ARHGAP39: variants seen among roughly 807,000 people sequenced by gnomAD.
ARHGAP39 encodes rho GTPase-activating protein 39.
Under a neutral mutation model 106.9 loss-of-function variants are expected in ARHGAP39, and 44 were observed. The ratio of observed to expected loss-of-function variants is 0.41; its 90% CI spans 0.32 to 0.53. ARHGAP39 has a LOEUF of 0.53. ARHGAP39 is among the 20% of genes least tolerant of loss of function. The pLI, the probability that ARHGAP39 is intolerant of heterozygous loss-of-function variation, is 0.21. For missense variants in ARHGAP39, 1,496 were observed against 1,577.3 expected (o/e 0.95, Z 0.87); for synonymous variants, 768 against 693.2 (o/e 1.11, Z -1.69).
chr8:144,566,032 C>T (rs112397899), intron 3 of ARHGAP39, among the ~76,000 whole-genome samples: 13,925 of 151,468 alleles, frequency 0.092, 1,508 homozygotes, highest in African/African-American at 0.26. Flanking sequence ...AGGTTGACGC[C>T]GCCATCATCT....
intron 7 of ARHGAP39, among the ~76,000 whole-genome samples, chr8:144,534,507 A>T (rs1178381924): frequency 6.6e-6 from 1 of 151,752 alleles, no homozygotes; most frequent in Non-Finnish European, 1.5e-5. Context: ...GGGCCTCTAG[A>T]CCCCACTGCT....
intron 1 of ARHGAP39, among the ~76,000 whole-genome samples, chr8:144,685,195 G>A (rs182849222): frequency 6.8e-6 from 1 of 147,864 alleles, no homozygotes; most frequent in Admixed American, 6.7e-5. Context: ...CCTGGGGCCG[G>A]ACACACCCAC....
At chr8:144,561,283 C>T (rs756074585) in intron 3 of ARHGAP39, among the ~76,000 whole-genome samples, 1 of 151,838 alleles carries the variant, frequency 6.6e-6, no homozygotes, top group Non-Finnish European at 1.5e-5. Flanking sequence ...TTCCATCACA[C>T]TCCAGTGGTT....
chr8:144,557,924 G>T (rs1818006267), intron 3 of ARHGAP39, among the ~76,000 whole-genome samples: 1 of 152,222 alleles, frequency 6.6e-6, no homozygotes, highest in South Asian at 2.1e-4. Flanking sequence ...TCAAATATTT[G>T]AAAGGAAGAC....
intron 2 of ARHGAP39, among the ~76,000 whole-genome samples, chr8:144,587,653 A>G (rs1435598753): frequency 6.9e-6 from 1 of 144,250 alleles, no homozygotes; most frequent in African/African-American, 2.6e-5. Flanking sequence ...GGGCAGAGAG[A>G]CTTTTTTTTT....
At chr8:144,557,754 GTGGCAAA>G (rs1403819327) in intron 3 of ARHGAP39, among the ~76,000 whole-genome samples, 1 of 152,146 alleles carries the variant, frequency 6.6e-6, no homozygotes, top group Non-Finnish European at 1.5e-5. Context: ...GTAGTATTCA[GTGGCAAA>G]AGGCTGAACC....
At chr8:144,667,920 G>C (rs1313843322) in intron 1 of ARHGAP39, among the ~76,000 whole-genome samples, 1 of 152,130 alleles carries the variant, frequency 6.6e-6, no homozygotes, top group Non-Finnish European at 1.5e-5. Flanking sequence ...ATTTTTCCTA[G>C]ACTTTATGGA....
At chr8:144,593,936 A>C (rs773601766) in intron 2 of ARHGAP39, among the ~76,000 whole-genome samples, 2 of 152,084 alleles carry the variant, frequency 1.3e-5, no homozygotes, top group African/African-American at 2.4e-5. Flanking sequence ...TAAAAATATA[A>C]AAATTAGCTG....
Position 144,585,268 on chromosome 8 carries a change from G to A in ARHGAP39, c.81-3991C>T, listed in dbSNP as rs1030030914. ...ACTCTTCTTCCCAAGGGCCTCACCT[G>A]TCTCCCTTCCTTCTCTCCATGGACA... On this transcript the variant is annotated intron_variant, in intron 2 of 11. Coordinates refer to ENST00000377307, the MANE Select transcript of ARHGAP39 (RefSeq NM_025251.3). The surrounding 1 kb of genome is among the most constrained non-coding windows in gnomAD (Gnocchi z 4.6). Among the ~76,000 whole-genome samples the A allele has an allele frequency of 6.6e-6, 1 of 152,070 alleles. No homozygotes were observed. Among genetic ancestry groups the A allele is most frequent in the Non-Finnish European group, 1.5e-5 (1 of 68,008 alleles).
intron 3 of ARHGAP39, among the ~76,000 whole-genome samples, chr8:144,569,171 G>A (rs985253145): frequency 6.6e-6 from 1 of 152,212 alleles, no homozygotes; most frequent in African/African-American, 2.4e-5. Context: ...CAAGATTAAT[G>A]TAAGTAGATT....
At chr8:144,601,974 G>A (rs1402597948) in intron 2 of ARHGAP39, among the ~76,000 whole-genome samples, 1 of 141,696 alleles carries the variant, frequency 7.1e-6, no homozygotes, top group Non-Finnish European at 1.5e-5. Context: ...CATGTGCGTG[G>A]AGGTGCGTGT....
chr8:144,608,032 CCGA>C (rs1391943901), intron 1 of ARHGAP39, among the ~76,000 whole-genome samples: 3 of 151,738 alleles, frequency 2.0e-5, no homozygotes, highest in African/African-American at 7.3e-5. Flanking sequence ...CAGCATGTGC[CCGA>C]AATCCCAGCT....
chr8:144,609,843 C>A (rs1344575722), intron 1 of ARHGAP39, among the ~76,000 whole-genome samples: 2 of 152,124 alleles, frequency 1.3e-5, no homozygotes, highest in Non-Finnish European at 2.9e-5. Context: ...ACCAGCATAA[C>A]AAAATGAGAA....
intron 8 of ARHGAP39, 70 bp from the exon 9 acceptor site, chr8:144,533,395 TTC>T: frequency 6.7e-7 from 1 of 1,502,906 alleles, no homozygotes; most frequent in Non-Finnish European, 9.1e-7. Flanking sequence ...CCCGGTTGTC[TTC>T]TTTCCCCGAA....
Position 144,679,797 on chromosome 8 carries a change from A to G in ARHGAP39, c.-82+5889T>C, listed in dbSNP as rs189668231. Among the ~76,000 whole-genome samples the G allele has an allele frequency of 2.8e-4, 42 of 152,224 alleles. 1 individual carries two copies. In the East Asian group the frequency reaches 7.4e-3, roughly 27 times the overall value. ...AGATCGAGACCATCCTGGCTAACAC[A>G]GTGAAACCCCGTGTCTACTAAAAAC... On this transcript the variant is annotated intron_variant, in intron 1 of 11. Transcript: ENST00000377307. This position sits in a 1 kb window ranked among gnomAD's most constrained non-coding sequence, Gnocchi z 4.7.
chr8:144,562,408 T>C (rs1445050862), intron 3 of ARHGAP39, among the ~76,000 whole-genome samples: 5 of 150,440 alleles, frequency 3.3e-5, no homozygotes, highest in Admixed American at 6.6e-5. Flanking sequence ...TCCATCGCGC[T>C]CCAGTGGTTT....
In ARHGAP39 at chr8:144,530,687, C is replaced by CG; in HGVS notation, c.3150+14dup. 6.4e-7 allele frequency: 1 copy of CG among 1,574,534 alleles called. No homozygotes were observed. Among genetic ancestry groups the CG allele is most frequent in the East Asian group, 2.3e-5 (1 of 42,840 alleles). ...GGGAGGGGAAAGCAGCGGGGACCCC[C>CG]GGGGAGGGAAGTACCTGCAGGAAGC... is the stretch of plus-strand genomic sequence containing the variant. On this transcript the variant is annotated intron_variant, in intron 11 of 11. Coordinates refer to ENST00000377307, the MANE Select transcript of ARHGAP39 (RefSeq NM_025251.3).
chr8:144,662,012 C>G (rs1402245225), intron 1 of ARHGAP39, among the ~76,000 whole-genome samples: 1 of 151,236 alleles, frequency 6.6e-6, no homozygotes, highest in Non-Finnish European at 1.5e-5. Context: ...CTTCCCTCAT[C>G]CCCATTATCC....
Position 144,685,829 on chromosome 8 carries a change from G to T in ARHGAP39, c.-225C>A, listed in dbSNP as rs539318562. Reference sequence around the variant, plus strand: ...CGTGCTGTCGGCGTCCTCCGCCGCCGCCGCCGGCCCAGTGCGCGGCGGCCG... The same window carrying T: ...CGTGCTGTCGGCGTCCTCCGCCGCCTCCGCCGGCCCAGTGCGCGGCGGCCG... On this transcript the variant is annotated 5_prime_UTR_variant, in exon 1 of 12. Transcript: ENST00000377307. Among the ~76,000 whole-genome samples, 1 of 147,852 alleles carries T rather than the reference G, an allele frequency of 6.8e-6. No homozygotes were observed. The highest frequency in any genetic ancestry group is 2.0e-4 in the East Asian group (1 of 5,084).
Sources: gnomAD v4.1 joint callset for allele counts (sites outside exome capture counted in the v4.1 genomes callset) on GRCh38, gnomAD v4.1.1 for gene constraint, Gnocchi (gnomAD v3.1) non-coding constraint, MANE v1.5 for transcripts, NCBI Gene and HGNC (gene_info 2026-07-23, HGNC 2026-07-21) for gene names.